Variants in UNC79 observed in about 807,000 individuals in gnomAD.
UNC79 encodes unc-79 subunit of NALCN channel complex, also known as protein unc-79 homolog.
In UNC79, 37 loss-of-function variants were observed where a neutral mutation model predicts 283.1. The observed-to-expected ratio is 0.13, with a 90% CI of 0.10 to 0.17. UNC79 has a LOEUF of 0.17. Ranked by LOEUF, UNC79 falls within the 10% of genes least tolerant of loss-of-function variation. The pLI is 1.00. For synonymous variants in UNC79, 1,107 were observed against 1,200.2 expected, an observed-to-expected ratio of 0.92 and a Z score of 1.61; for missense variants, 2,272 against 3,211.1, an observed-to-expected ratio of 0.71 and a Z score of 7.07.
Position 93,621,832 on chromosome 14 carries a change from C to G in UNC79, c.4599C>G (p.Thr1533=), listed in dbSNP as rs532695485. Residue 1533 remains threonine (T), a synonymous_variant, in exon 30 of 49, where the codon ACC becomes ACG. Coordinates refer to ENST00000555664, the Ensembl canonical transcript of UNC79. The surrounding 1 kb of genome is among the most constrained non-coding windows in gnomAD (Gnocchi z 4.8). The stretch of plus-strand genomic sequence containing the variant: ...GGTGTGACATAGAGAAGCCTCCGAC[C>G]CAAGCTGCGTATATCGCACAAAGAC... 6 of 1,614,010 alleles carry G rather than the reference C, an allele frequency of 3.7e-6. No homozygotes were observed. The African/African-American group carries it at 8.0e-5, about 22-fold the overall frequency.
chr14:93,654,682 G>A (rs1596254516), intron 37 of UNC79, among the ~76,000 whole-genome samples: 1 of 151,928 alleles, frequency 6.6e-6, no homozygotes, highest in South Asian at 2.1e-4. Flanking sequence ...TGGACATTGC[G>A]GCTTTGCGTG....
intron 1 of UNC79, among the ~76,000 whole-genome samples, chr14:93,458,913 A>G (rs2056866335): frequency 6.6e-6 from 1 of 152,262 alleles, no homozygotes; most frequent in Non-Finnish European, 1.5e-5. Context: ...AGAACAGTTT[A>G]TAATCAGTGA....
At chr14:93,558,754 A>G (rs530780128) in intron 14 of UNC79, among the ~76,000 whole-genome samples, 1 of 151,744 alleles carries the variant, frequency 6.6e-6, no homozygotes, top group East Asian at 1.9e-4. Flanking sequence ...TGCAGCTTCC[A>G]TAAGAGCAGA....
intron 35 of UNC79, among the ~76,000 whole-genome samples, chr14:93,652,326 C>T (rs2140325347): frequency 6.6e-6 from 1 of 151,964 alleles, no homozygotes; most frequent in South Asian, 2.1e-4. Flanking sequence ...GCAGTGGCAC[C>T]ATCTTGTCAG....
At chr14:93,363,648 G>T (rs537823486) in intron 1 of UNC79, among the ~76,000 whole-genome samples, 1 of 152,312 alleles carries the variant, frequency 6.6e-6, no homozygotes, top group South Asian at 2.1e-4. Flanking sequence ...GGGTGCTCCA[G>T]TGTTGGGTGA....
At chr14:93,588,303 A>G (rs1474694007) in intron 22 of UNC79, among the ~76,000 whole-genome samples, 1 of 152,170 alleles carries the variant, frequency 6.6e-6, no homozygotes, top group Non-Finnish European at 1.5e-5. Context: ...CAAATTTAAG[A>G]GAGTGCTAAG....
chr14:93,337,545 C>G (rs1475410430), intron 1 of UNC79, among the ~76,000 whole-genome samples: 3 of 152,228 alleles, frequency 2.0e-5, no homozygotes, highest in African/African-American at 7.2e-5. Context: ...CTATAGCCCT[C>G]CTGCCCTCTG....
chr14:93,546,068 A>T (rs558248279), intron 14 of UNC79, among the ~76,000 whole-genome samples: 1 of 152,220 alleles, frequency 6.6e-6, no homozygotes, highest in African/African-American at 2.4e-5. Context: ...GCAAAAAAAC[A>T]TGAAAAGCTA....
intron 26 of UNC79, among the ~76,000 whole-genome samples, chr14:93,605,459 C>T (rs2065815795): frequency 6.6e-6 from 1 of 152,024 alleles, no homozygotes; most frequent in Non-Finnish European, 1.5e-5. Context: ...TTTGGAGGAC[C>T]ATAGCATGAT....
At chr14:93,498,425 A>T (rs2059124719) in intron 7 of UNC79, among the ~76,000 whole-genome samples, 1 of 152,034 alleles carries the variant, frequency 6.6e-6, no homozygotes, top group Non-Finnish European at 1.5e-5. Context: ...CGTCTCTACT[A>T]AAAATACAAA....
At chr14:93,601,391 T>A (rs542022496) in intron 25 of UNC79, among the ~76,000 whole-genome samples, 3 of 152,358 alleles carry the variant, frequency 2.0e-5, no homozygotes, top group South Asian at 4.1e-4. Context: ...CTTAAAATAA[T>A]GTTCTCCAAC....
intron 1 of UNC79, among the ~76,000 whole-genome samples, chr14:93,340,843 A>G (rs2053693474): frequency 6.6e-6 from 1 of 152,204 alleles, no homozygotes; most frequent in African/African-American, 2.4e-5. Context: ...AAGTGCTGTG[A>G]TTACAGGTGT....
At chr14:93,497,159 T>A in exon 7 of UNC79, 1 of 1,609,528 alleles carries the variant, frequency 6.2e-7, no homozygotes, top group Non-Finnish European at 8.5e-7. Context: ...TCCTTTAGGA[T>A]CTTTTGTATG....
At chr14:93,614,219 CT>C (rs957006099) in intron 27 of UNC79, among the ~76,000 whole-genome samples, 2 of 152,002 alleles carry the variant, frequency 1.3e-5, no homozygotes, top group African/African-American at 4.8e-5. Flanking sequence ...ATCCTCAGAA[CT>C]TTTTTATCAT....
chr14:93,467,658 T>C lies in UNC79; in HGVS notation c.23-13T>C. 1 of 1,105,902 alleles carries C rather than the reference T, an allele frequency of 9.0e-7. No homozygotes were observed. Among genetic ancestry groups the C allele is most frequent in the Non-Finnish European group, 1.1e-6 (1 of 903,014 alleles). 68.5% of individuals were successfully genotyped at this position (1,105,902 alleles called of 1,614,324 possible). ...TTTTTTTTTTTTTTTTTTTTTTTTTTGCTTTTATCTAGTTGCTTCCAAGAT... is the reference window on the plus strand; with the variant it reads ...TTTTTTTTTTTTTTTTTTTTTTTTTCGCTTTTATCTAGTTGCTTCCAAGAT... On this transcript the variant is annotated splice_polypyrimidine_tract_variant and intron_variant, in intron 1 of 48. Coordinates refer to ENST00000555664, the Ensembl canonical transcript of UNC79.
At chr14:93,562,431 G>C (rs991982434) in intron 14 of UNC79, among the ~76,000 whole-genome samples, 2 of 152,180 alleles carry the variant, frequency 1.3e-5, no homozygotes, top group Non-Finnish European at 2.9e-5. Context: ...AAGAAAGTGC[G>C]TCCACATAAA....
intron 1 of UNC79, among the ~76,000 whole-genome samples, chr14:93,342,815 A>G (rs1317808768): frequency 6.6e-6 from 1 of 152,232 alleles, no homozygotes; most frequent in Admixed American, 6.5e-5. Context: ...TTGCAAGTTC[A>G]AAGTTTCACA....
At chr14:93,707,141 C>G (rs1170041633), downstream of UNC79, 1 of 417,608 alleles carries the variant, frequency 2.4e-6, no homozygotes, top group Non-Finnish European at 4.2e-6. Context: ...TTTTAAAAAC[C>G]AAATCATTTT....
intron 7 of UNC79, among the ~76,000 whole-genome samples, chr14:93,497,522 A>G (rs142347923): frequency 1.3e-5 from 2 of 152,328 alleles, no homozygotes; most frequent in East Asian, 3.9e-4. Flanking sequence ...TTGCTGTACC[A>G]CTGGCTGAGG....
Sources: gnomAD v4.1 joint callset for allele counts (sites outside exome capture counted in the v4.1 genomes callset) on GRCh38, gnomAD v4.1.1 for gene constraint, Gnocchi (gnomAD v3.1) non-coding constraint, MANE v1.5 for transcripts, NCBI Gene and HGNC (gene_info 2026-07-23, HGNC 2026-07-21) for gene names.